Variants in NDUFA10 observed in about 807,000 individuals in gnomAD.
The protein encoded by NDUFA10 is NADH dehydrogenase [ubiquinone] 1 alpha subcomplex subunit 10, mitochondrial.
Under a neutral mutation model 47.8 loss-of-function variants are expected in NDUFA10, and 40 were observed. The ratio of observed to expected loss-of-function variants is 0.84; its 90% CI spans 0.65 to 1.09. The LOEUF (loss-of-function observed/expected upper bound fraction) is 1.09, where lower values mean the gene tolerates loss of function less well. Among genes scored for constraint, NDUFA10 ranks in the 50% least tolerant of loss-of-function variants. NDUFA10 has a pLI of 0.00. For missense variants in NDUFA10, 413 were observed against 451.1 expected, an observed-to-expected ratio of 0.92 and a Z score of 0.76; for synonymous variants, 183 against 172.2, an observed-to-expected ratio of 1.06 and a Z score of -0.49.
rs144489062 is a variant in NDUFA10, at chr2:239,973,595, G to C, written c.1000-12409C>G. 1.7e-3 allele frequency: 776 copies of C among 469,846 alleles called. 2 individuals carry two copies. The highest frequency in any genetic ancestry group is 7.2e-3 in the Middle Eastern group (22 of 3,070). 29.1% of individuals were successfully genotyped at this position (469,846 alleles called of 1,614,324 possible). A position where few individuals can be genotyped will look rare whatever the true frequency, so the allele number is the denominator to read the frequency against. ...GAACGATCAGCTTCAAGGAGGGAACGATCAGCTTCAAGGAGGGAGCACAGT... is the reference window on the plus strand; with the variant it reads ...GAACGATCAGCTTCAAGGAGGGAACCATCAGCTTCAAGGAGGGAGCACAGT... On this transcript the variant is annotated intron_variant, in intron 9 of 9. Transcript: ENST00000252711.
intron 5 of NDUFA10, among the ~76,000 whole-genome samples, chr2:239,893,876 T>A (rs1445837097): frequency 1.3e-5 from 2 of 150,348 alleles, no homozygotes; most frequent in Non-Finnish European, 3.0e-5. Flanking sequence ...CTCAGTTCTA[T>A]CCTAGCCTCA....
chr2:239,939,007 G>A (rs1694315649), intron 4 of NDUFA10, among the ~76,000 whole-genome samples: 1 of 152,282 alleles, frequency 6.6e-6, no homozygotes, highest in African/African-American at 2.4e-5. Context: ...TTGGGTTGGG[G>A]GAAACAGTGC....
intron 4 of NDUFA10, among the ~76,000 whole-genome samples, chr2:239,899,697 T>A (rs114273300): frequency 2.0e-5 from 3 of 152,048 alleles, no homozygotes; most frequent in African/African-American, 7.3e-5. Flanking sequence ...TGCACATCCC[T>A]GAGGGTAGAG....
rs1697348603 is a variant in NDUFA10 at position 240,016,377 on chromosome 2, T to G, written c.548-1517A>C. Among the ~76,000 whole-genome samples the G allele has an allele frequency of 6.6e-6, 1 of 152,168 alleles. No individual in the cohort carries two copies. The highest frequency in any genetic ancestry group is 2.4e-5 in the African/African-American group (1 of 41,444). On this transcript the variant is annotated intron_variant, in intron 4 of 9. Transcript: ENST00000252711. The surrounding 1 kb of genome is among the most constrained non-coding windows in gnomAD (Gnocchi z 4.4). Reference sequence around the variant, plus strand: ...TTCACCGAGTCTGCTCTCACCCTGCTTCCCACCCTCACCCTTACTCCTGTC... The same window carrying G: ...TTCACCGAGTCTGCTCTCACCCTGCGTCCCACCCTCACCCTTACTCCTGTC...
chr2:239,904,801 T>A (rs192040033), intron 4 of NDUFA10, among the ~76,000 whole-genome samples: 16 of 152,314 alleles, frequency 1.1e-4, no homozygotes, highest in Non-Finnish European at 2.2e-4. Context: ...GAAGTCAGGG[T>A]GTCCACACAG....
chr2:239,968,306 G>C (rs1019191396), intron 9 of NDUFA10, among the ~76,000 whole-genome samples: 8 of 152,240 alleles, frequency 5.3e-5, no homozygotes, highest in Non-Finnish European at 1.2e-4. Context: ...GCAATGCGCA[G>C]AGCACGGCCT....
intron 4 of NDUFA10, among the ~76,000 whole-genome samples, chr2:239,949,868 G>C (rs969154769): frequency 6.6e-6 from 1 of 152,148 alleles, no homozygotes; most frequent in Non-Finnish European, 1.5e-5. Context: ...GCAGACAGCA[G>C]ATCTTGGGGC....
At chr2:240,014,667 T>TAA (rs752695387) in intron 5 of NDUFA10, 72 bp downstream of exon 5, 3 of 1,605,506 alleles carry the variant, frequency 1.9e-6, no homozygotes, top group Non-Finnish European at 2.6e-6. Context: ...TAAATGCTAT[T>TAA]AAAACAGGGC....
chr2:239,971,295 C>T (rs1184201994), intron 9 of NDUFA10, among the ~76,000 whole-genome samples: 1 of 152,222 alleles, frequency 6.6e-6, no homozygotes. Context: ...GCAAGGGTCT[C>T]CAAGTAGGTC....
At chr2:239,897,074 A>C (rs752925119) in intron 4 of NDUFA10, among the ~76,000 whole-genome samples, 19 of 152,242 alleles carry the variant, frequency 1.2e-4, no homozygotes, top group Admixed American at 7.2e-4. Context: ...ATTTTGCAAT[A>C]AATTAGTAAG....
At chr2:239,979,254 C>A (rs1331186822) in intron 9 of NDUFA10, among the ~76,000 whole-genome samples, 2 of 151,390 alleles carry the variant, frequency 1.3e-5, no homozygotes, top group Non-Finnish European at 1.5e-5. Flanking sequence ...TAGAACCCCA[C>A]CCCACAGCCC....
intron 5 of NDUFA10, chr2:240,014,456 C>T: frequency 2.2e-6 from 1 of 464,606 alleles, no homozygotes; most frequent in South Asian, 2.0e-5. Context: ...TGCCAGGAGG[C>T]CCTCACCAGC....
At chr2:239,893,298 T>C (rs543698271) in intron 5 of NDUFA10, among the ~76,000 whole-genome samples, 23 of 152,148 alleles carry the variant, frequency 1.5e-4, no homozygotes, top group African/African-American at 5.3e-4. Context: ...AGGGCTCTGA[T>C]TGGCCCAGCG....
At chr2:239,897,654 C>T (rs1343835591) in intron 4 of NDUFA10, among the ~76,000 whole-genome samples, 1 of 152,218 alleles carries the variant, frequency 6.6e-6, no homozygotes, top group South Asian at 2.1e-4. Context: ...GGCAGCTTCC[C>T]TCTGAATTCA....
chr2:239,896,079 T>C (rs1470835660), intron 4 of NDUFA10, among the ~76,000 whole-genome samples: 1 of 152,236 alleles, frequency 6.6e-6, no homozygotes, highest in East Asian at 1.9e-4. Context: ...AGGTGTGGCT[T>C]TCCCACAGAC....
chr2:239,971,267 T>C (rs1405931981), intron 9 of NDUFA10, among the ~76,000 whole-genome samples: 1 of 152,192 alleles, frequency 6.6e-6, no homozygotes, highest in Non-Finnish European at 1.5e-5. Flanking sequence ...AACAAGCACC[T>C]CCCCGCCCAG....
At chr2:239,943,015 G>A (rs1422039562) in intron 4 of NDUFA10, 1 of 154,416 alleles carries the variant, frequency 6.5e-6, no homozygotes, top group Non-Finnish European at 1.5e-5. Flanking sequence ...CTGGAATCCT[G>A]TGAAATGGCC....
At chr2:239,927,401 C>T (rs925817905) in intron 4 of NDUFA10, among the ~76,000 whole-genome samples, 4 of 152,014 alleles carry the variant, frequency 2.6e-5, no homozygotes, top group Admixed American at 6.6e-5. Context: ...AAACTTTTAA[C>T]GATAAATTGA....
At chr2:239,896,755 G>A (rs899046980) in intron 4 of NDUFA10, among the ~76,000 whole-genome samples, 2 of 152,266 alleles carry the variant, frequency 1.3e-5, no homozygotes, top group Non-Finnish European at 1.5e-5. Flanking sequence ...GAAAATGCCC[G>A]ATCCGTGAAA....
Sources: allele counts gnomAD v4.1 joint callset (sites outside exome capture counted in the v4.1 genomes callset), GRCh38; gene constraint gnomAD v4.1.1; non-coding constraint Gnocchi (gnomAD v3.1); transcripts MANE v1.5; gene names NCBI Gene and HGNC (gene_info 2026-07-23, HGNC 2026-07-21).